The following ALCAM variants were observed in gnomAD, a reference collection of about 807,000 sequenced individuals.
ALCAM encodes CD166 antigen.
A neutral mutation model predicts 70.9 loss-of-function variants in ALCAM; 30 were observed. The ratio of observed to expected loss-of-function variants is 0.42; its 90% CI spans 0.32 to 0.57. The LOEUF is 0.57. ALCAM is among the 20% of genes least tolerant of loss of function. The pLI is 0.11. For synonymous variants in ALCAM, 249 were observed against 242.5 expected, an observed-to-expected ratio of 1.03 and a Z score of -0.25; for missense variants, 591 against 695.1, an observed-to-expected ratio of 0.85 and a Z score of 1.68.
chr3:105,513,942 A>G (rs1939310629), intron 1 of ALCAM, among the ~76,000 whole-genome samples: 1 of 151,968 alleles, frequency 6.6e-6, no homozygotes, highest in African/African-American at 2.4e-5. Context: ...GAGTTTGCCC[A>G]AAGAGAGAAA....
chr3:105,378,444 A>G (rs746668128), intron 1 of ALCAM, among the ~76,000 whole-genome samples: 2 of 151,922 alleles, frequency 1.3e-5, no homozygotes, highest in Non-Finnish European at 2.9e-5. Context: ...CTTTCTAAGA[A>G]GAATGTTTAT....
At chr3:105,555,440 G>T (rs1940494378) in intron 14 of ALCAM, among the ~76,000 whole-genome samples, 1 of 151,982 alleles carries the variant, frequency 6.6e-6, no homozygotes, top group Non-Finnish European at 1.5e-5. Flanking sequence ...GGCATTTTTG[G>T]AATATGAATT....
intron 1 of ALCAM, among the ~76,000 whole-genome samples, chr3:105,516,704 C>G (rs1009314552): frequency 2.0e-5 from 3 of 152,058 alleles, no homozygotes; most frequent in African/African-American, 7.2e-5. Flanking sequence ...TTTATAAACA[C>G]ATTTAATACA....
At chr3:105,410,196 C>T (rs1398483654) in intron 1 of ALCAM, among the ~76,000 whole-genome samples, 1 of 152,014 alleles carries the variant, frequency 6.6e-6, no homozygotes, top group Non-Finnish European at 1.5e-5. Context: ...AACAGAACCA[C>T]CTGACTACCC....
intron 1 of ALCAM, among the ~76,000 whole-genome samples, chr3:105,368,233 G>GAGAGAGAGAGAGAGAGAGAGAGAT (rs1935125403): frequency 6.8e-6 from 1 of 146,464 alleles, no homozygotes; most frequent in African/African-American, 2.5e-5. Context: ...AAGAGAGAGA[G>GAGAGAGAGAGAGAGAGAGAGAGAT]AGAGAGAGAG....
intron 1 of ALCAM, among the ~76,000 whole-genome samples, chr3:105,411,177 T>A (rs780013641): frequency 3.3e-5 from 5 of 152,028 alleles, no homozygotes; most frequent in Admixed American, 6.6e-5. Flanking sequence ...CTGATCTGTA[T>A]AAATTTGCTG....
At chr3:105,442,875 C>T (rs956815440) in intron 1 of ALCAM, among the ~76,000 whole-genome samples, 15 of 152,114 alleles carry the variant, frequency 9.9e-5, no homozygotes, top group African/African-American at 2.4e-4. Flanking sequence ...CCTTCTGTTG[C>T]GCATGGTGAA....
At chr3:105,451,999 G>T (rs1028714247) in intron 1 of ALCAM, among the ~76,000 whole-genome samples, 2 of 151,940 alleles carry the variant, frequency 1.3e-5, no homozygotes, top group Non-Finnish European at 2.9e-5. Context: ...TCTGCCTCTG[G>T]TTTGTGGCTT....
intron 1 of ALCAM, among the ~76,000 whole-genome samples, chr3:105,405,277 CAAAAAAAAAAAAAA>C (rs35101188): frequency 7.7e-5 from 5 of 65,224 alleles, no homozygotes; most frequent in Non-Finnish European, 1.1e-4. Flanking sequence ...AACTTCGTCT[CAAAAAAAAAAAAAA>C]AAAAAAAAAA....
At chr3:105,422,825 A>G (rs1352491632) in intron 1 of ALCAM, among the ~76,000 whole-genome samples, 1 of 151,474 alleles carries the variant, frequency 6.6e-6, no homozygotes, top group Non-Finnish European at 1.5e-5. Flanking sequence ...AAAAGCATTA[A>G]TGGACAGAAG....
intron 1 of ALCAM, among the ~76,000 whole-genome samples, chr3:105,502,978 C>T (rs912053906): frequency 4.6e-5 from 7 of 152,196 alleles, no homozygotes; most frequent in African/African-American, 1.7e-4. Context: ...TTGTTATTAA[C>T]ATTTTATTTT....
intron 1 of ALCAM, among the ~76,000 whole-genome samples, chr3:105,383,847 A>G (rs1039702141): frequency 1.3e-5 from 2 of 151,700 alleles, no homozygotes; most frequent in Non-Finnish European, 3.0e-5. Context: ...CTCCCACAGG[A>G]TAATTGTAGA....
intron 1 of ALCAM, among the ~76,000 whole-genome samples, chr3:105,374,893 C>A (rs1935339348): frequency 6.6e-6 from 1 of 152,142 alleles, no homozygotes; most frequent in Admixed American, 6.5e-5. Flanking sequence ...ATTCCCTTGG[C>A]AATAATTGCT....
At chr3:105,411,703 G>T (rs528760115) in intron 1 of ALCAM, among the ~76,000 whole-genome samples, 15 of 152,158 alleles carry the variant, frequency 9.9e-5, no homozygotes, top group African/African-American at 3.6e-4. Flanking sequence ...GTTTAGAGAT[G>T]CTGTGTAGTC....
rs1940758345 is a variant in ALCAM at position 105,567,037 on chromosome 3, G to C, written c.1665-4815G>C. Among the ~76,000 whole-genome samples the C allele has an allele frequency of 4.6e-5, 7 of 151,756 alleles. No homozygotes were observed. The South Asian group carries it at 1.5e-3, about 32-fold the overall frequency. On this transcript the variant is annotated intron_variant, in intron 14 of 15. Coordinates refer to ENST00000306107, the MANE Select transcript of ALCAM (RefSeq NM_001627.4). ...ATCTTTTCACTGATATAAAATTTTG[G>C]GTTTAAAACTTTTCCTTTCAGCATT... is the stretch of plus-strand genomic sequence containing the variant.
At chr3:105,388,021 C>A (rs79374079) in intron 1 of ALCAM, among the ~76,000 whole-genome samples, 1,874 of 151,394 alleles carry the variant, frequency 0.012, 25 homozygotes, top group African/African-American at 0.027. Context: ...TTCCCAGTCA[C>A]CATGCACCAT....
intron 1 of ALCAM, among the ~76,000 whole-genome samples, chr3:105,471,697 T>C (rs1288301098): frequency 6.6e-6 from 1 of 151,426 alleles, no homozygotes; most frequent in Non-Finnish European, 1.5e-5. Context: ...CATATGTATT[T>C]ATCATGTACA....
chr3:105,548,116 C>T lies in ALCAM; in HGVS notation c.1374+593C>T, dbSNP rs568411615. ...TGAACAAAAGGGTCATAAACCAGAC[C>T]TTAATATTTGTACCTTTTTATTTTA... On this transcript the variant is annotated intron_variant, in intron 11 of 15. Transcript: ENST00000306107. 1.8e-3 allele frequency among the ~76,000 whole-genome samples: 267 copies of T among 151,462 alleles called. 1 individual carries two copies. Among genetic ancestry groups the T allele is most frequent in the African/African-American group, 6.1e-3 (253 of 41,434 alleles).
chr3:105,429,793 TTA>T (rs1413443893), intron 1 of ALCAM, among the ~76,000 whole-genome samples: 1 of 151,980 alleles, frequency 6.6e-6, no homozygotes, highest in African/African-American at 2.4e-5. Flanking sequence ...CCTACAAAAC[TTA>T]TGTTTAAAAA....
Sources: allele counts gnomAD v4.1 joint callset (sites outside exome capture counted in the v4.1 genomes callset), GRCh38; gene constraint gnomAD v4.1.1; transcripts MANE v1.5; gene names NCBI Gene and HGNC (gene_info 2026-07-23, HGNC 2026-07-21).